MLLT3: variants seen among roughly 807,000 people sequenced by gnomAD.
The protein encoded by MLLT3 is MLLT3 super elongation complex subunit, also known as protein AF-9.
A neutral mutation model predicts 53.2 loss-of-function variants in MLLT3; 4 were observed. The ratio of observed to expected loss-of-function variants is 0.08; its 90% CI spans 0.04 to 0.17. The LOEUF is 0.17. Ranked by LOEUF, MLLT3 falls within the 10% of genes least tolerant of loss-of-function variation. MLLT3 has a pLI of 1.00. For missense variants in MLLT3, 569 were observed against 684.0 expected (o/e 0.83, Z 1.87); for synonymous variants, 283 against 230.6 (o/e 1.23, Z -2.06).
chr9:20,615,874 GAAAAAA>G (rs10579863), intron 2 of MLLT3, among the ~76,000 whole-genome samples: 25 of 132,590 alleles, frequency 1.9e-4, no homozygotes, highest in East Asian at 2.3e-4. Flanking sequence ...AAAGAGATTT[GAAAAAA>G]AAAAAAAAAA....
intron 2 of MLLT3, among the ~76,000 whole-genome samples, chr9:20,592,828 C>T (rs1820162587): frequency 6.6e-6 from 1 of 152,138 alleles, no homozygotes; most frequent in Admixed American, 6.5e-5. Context: ...TTCCAACATT[C>T]CAAGATCAAG....
intron 2 of MLLT3, among the ~76,000 whole-genome samples, chr9:20,529,236 C>T (rs1015444421): frequency 6.6e-6 from 1 of 152,052 alleles, no homozygotes; most frequent in Non-Finnish European, 1.5e-5. Context: ...AACCACTAGC[C>T]CAACAGAATA....
At chr9:20,365,765 G>C (rs1476215084) in intron 5 of MLLT3, 21 bp from the exon 6 acceptor site, 5 of 1,613,502 alleles carry the variant, frequency 3.1e-6, no homozygotes, top group Non-Finnish European at 4.2e-6. Context: ...GAATAAAAAG[G>C]CACCATCAAT....
rs961115066 is a variant in MLLT3, at chr9:20,345,471, T to C, written c.*972A>G. On this transcript the variant is annotated 3_prime_UTR_variant, in exon 11 of 11. Transcript: ENST00000380338. ...ATTAAGAATTTCTACAACAGTTTTT[T>C]TTTTTAGAAAACAGGACCAGAATTC... 8.3e-5 allele frequency: 17 copies of C among 205,792 alleles called. No homozygotes were observed. The highest frequency in any genetic ancestry group is 1.4e-4 in the Non-Finnish European group (14 of 100,544). 12.7% of individuals were successfully genotyped at this position (205,792 alleles called of 1,614,324 possible). A position where few individuals can be genotyped will look rare whatever the true frequency, so the allele number is the denominator to read the frequency against.
At chr9:20,479,555 G>A (rs1034572403) in intron 2 of MLLT3, among the ~76,000 whole-genome samples, 35 of 152,078 alleles carry the variant, frequency 2.3e-4, no homozygotes, top group Non-Finnish European at 1.8e-4. Context: ...AAGGAGTAAG[G>A]CCTAGAGAAG....
At chr9:20,495,047 C>A (rs1465537650) in intron 2 of MLLT3, among the ~76,000 whole-genome samples, 3 of 152,122 alleles carry the variant, frequency 2.0e-5, no homozygotes. Flanking sequence ...TAGGAAATTT[C>A]TGTACTTCAT....
intron 2 of MLLT3, among the ~76,000 whole-genome samples, chr9:20,597,669 G>C (rs1320492944): frequency 2.0e-5 from 3 of 152,114 alleles, no homozygotes; most frequent in Admixed American, 6.6e-5. Context: ...AATAAGATAA[G>C]AAAGTTTTAG....
At chr9:20,614,050 G>GACA (rs1820763936) in intron 2 of MLLT3, among the ~76,000 whole-genome samples, 1 of 152,122 alleles carries the variant, frequency 6.6e-6, no homozygotes, top group East Asian at 1.9e-4. Context: ...TTTAAAAGAT[G>GACA]ATATGCCACA....
At chr9:20,357,269 T>G (rs1029362216) in intron 8 of MLLT3, among the ~76,000 whole-genome samples, 3 of 152,194 alleles carry the variant, frequency 2.0e-5, no homozygotes, top group Non-Finnish European at 4.4e-5. Context: ...CCTGCCAAGC[T>G]TCTGGCTAAA....
At chr9:20,410,990 G>A (rs1204754741) in intron 5 of MLLT3, among the ~76,000 whole-genome samples, 2 of 152,012 alleles carry the variant, frequency 1.3e-5, no homozygotes, top group East Asian at 3.9e-4. Flanking sequence ...AAATGAATAC[G>A]AATCTGGCTC....
At chr9:20,454,718 G>A (rs1257664203) in intron 3 of MLLT3, among the ~76,000 whole-genome samples, 1 of 152,158 alleles carries the variant, frequency 6.6e-6, no homozygotes, top group Admixed American at 6.5e-5. Context: ...GGGAAGAAAA[G>A]CACCATATGA....
rs533230434 is a variant in MLLT3, at chr9:20,389,774, G to A, written c.1125+23947C>T. Among the ~76,000 whole-genome samples, 9 of 152,250 alleles carry A rather than the reference G, an allele frequency of 5.9e-5. No individual in the cohort carries two copies. The South Asian group carries it at 6.2e-4, about 11-fold the overall frequency. On this transcript the variant is annotated intron_variant, in intron 5 of 10. Coordinates refer to ENST00000380338, the MANE Select transcript of MLLT3 (RefSeq NM_004529.4). ...AGCCTGGGCAACACAGTGAGACCCC[G>A]TCCGGTAAGGGAAGGAAAGGGAAAT... is the stretch of plus-strand genomic sequence containing the variant.
chr9:20,621,725 T>C lies in MLLT3; in HGVS notation c.12+520A>G, dbSNP rs1821016720. 2 of 1,480,228 alleles carry C rather than the reference T, an allele frequency of 1.4e-6. No individual in the cohort carries two copies. The allele number at this position is 1,480,228 out of a possible 1,614,324, so 91.7% of individuals were successfully genotyped here. A position where few individuals can be genotyped will look rare whatever the true frequency, so the allele number is the denominator to read the frequency against. ...AAAGTTGCGTGCGGCCCCGCCGCTG[T>C]CAGCCCCGCACACTTCGGCTCACAC... On this transcript the variant is annotated intron_variant, in intron 1 of 10. Coordinates refer to ENST00000380338, the MANE Select transcript of MLLT3 (RefSeq NM_004529.4). This position sits in a 1 kb window ranked among gnomAD's most constrained non-coding sequence, Gnocchi z 7.0.
At position 20,345,088 on chromosome 9, in the gene MLLT3, C is replaced by A. The variant is rs1013471536; in HGVS notation, c.*1355G>T. 3 of 218,850 alleles carry A rather than the reference C, an allele frequency of 1.4e-5. No individual in the cohort carries two copies. The highest frequency in any genetic ancestry group is 2.7e-5 in the Non-Finnish European group (3 of 109,148). 13.6% of individuals were successfully genotyped at this position (218,850 alleles called of 1,614,324 possible). The stretch of plus-strand genomic sequence containing the variant: ...GTTTTTTTCTTTTAAAAATAATTTG[C>A]TTTCTTTTGCATGCCACAGGACAGA... On this transcript the variant is annotated 3_prime_UTR_variant, in exon 11 of 11. Coordinates refer to ENST00000380338, the MANE Select transcript of MLLT3 (RefSeq NM_004529.4).
chr9:20,619,261 C>A (rs1218198949), intron 2 of MLLT3, among the ~76,000 whole-genome samples: 1 of 152,190 alleles, frequency 6.6e-6, no homozygotes, highest in Non-Finnish European at 1.5e-5. Context: ...CTATAAGAAA[C>A]TGGATTTATT....
rs577998135 is a variant in MLLT3, at chr9:20,376,466, G to A, written c.1126-10722C>T. On this transcript the variant is annotated intron_variant, in intron 5 of 10. Coordinates refer to ENST00000380338, the MANE Select transcript of MLLT3 (RefSeq NM_004529.4). ...CAACTTACAGATATAAAATCATCCTGGAAGCCAAGATAATTGGCTTGCATT... is the reference window on the plus strand; with the variant it reads ...CAACTTACAGATATAAAATCATCCTAGAAGCCAAGATAATTGGCTTGCATT... Among the ~76,000 whole-genome samples, 3 of 152,202 alleles carry A rather than the reference G, an allele frequency of 2.0e-5. No individual in the cohort carries two copies. The South Asian group carries it at 6.2e-4, about 32-fold the overall frequency.
chr9:20,528,100 G>C (rs1434490310), intron 2 of MLLT3, among the ~76,000 whole-genome samples: 1 of 152,172 alleles, frequency 6.6e-6, no homozygotes, highest in Non-Finnish European at 1.5e-5. Context: ...CATTAACTGT[G>C]TTCTTCTGCC....
intron 2 of MLLT3, among the ~76,000 whole-genome samples, chr9:20,574,408 T>C (rs532521638): frequency 6.6e-6 from 1 of 152,220 alleles, no homozygotes; most frequent in Non-Finnish European, 1.5e-5. Context: ...CTATGAGATA[T>C]TGCAAGTTCA....
In MLLT3 at chr9:20,468,920, C is replaced by T. The variant is rs143554036; in HGVS notation, c.194-12134G>A. On this transcript the variant is annotated intron_variant, in intron 2 of 10. Coordinates refer to ENST00000380338, the MANE Select transcript of MLLT3 (RefSeq NM_004529.4). Reference sequence around the variant, plus strand: ...AAAACAAGCAAACAAACAACAAAAACGAAGGGATTTAAAATCACACTTGAA... The same window carrying T: ...AAAACAAGCAAACAAACAACAAAAATGAAGGGATTTAAAATCACACTTGAA... Among the ~76,000 whole-genome samples the T allele has an allele frequency of 3.8e-3, 572 of 152,072 alleles. 3 individuals carry two copies. Among genetic ancestry groups the T allele is most frequent in the African/African-American group, 0.013 (525 of 41,486 alleles).
Sources: gnomAD v4.1 joint callset for allele counts (sites outside exome capture counted in the v4.1 genomes callset) on GRCh38, gnomAD v4.1.1 for gene constraint, Gnocchi (gnomAD v3.1) non-coding constraint, MANE v1.5 for transcripts, NCBI Gene and HGNC (gene_info 2026-07-23, HGNC 2026-07-21) for gene names.